Variants in LDB2 observed in about 807,000 individuals in gnomAD.
The protein encoded by LDB2 is LIM domain binding 2, also known as LIM domain-binding protein 2.
A neutral mutation model predicts 44.3 loss-of-function variants in LDB2; 12 were observed. The ratio of observed to expected loss-of-function variants is 0.27; its 90% CI spans 0.17 to 0.44. The LOEUF is 0.44. Ranked by LOEUF, LDB2 falls within the 20% of genes least tolerant of loss-of-function variation. The pLI is 1.00. For synonymous variants in LDB2, 164 were observed against 174.8 expected, an observed-to-expected ratio of 0.94 and a Z score of 0.49; for missense variants, 344 against 473.5, an observed-to-expected ratio of 0.73 and a Z score of 2.54.
rs1368777163 is a variant in LDB2 at position 16,897,954 on chromosome 4, A to G, written c.132+400T>C. Among the ~76,000 whole-genome samples, 14 of 110,614 alleles carry G rather than the reference A, an allele frequency of 1.3e-4. 1 individual carries two copies. The highest frequency in any genetic ancestry group is 2.6e-4 in the East Asian group (1 of 3,834). The allele number at this position is 110,614 out of a possible 152,430, so 72.6% of individuals were successfully genotyped here. A position where few individuals can be genotyped will look rare whatever the true frequency, so the allele number is the denominator to read the frequency against. The stretch of plus-strand genomic sequence containing the variant: ...TATATATATACACATATGTATATAT[A>G]TATATATATATATATATATACACAT... On this transcript the variant is annotated intron_variant, in intron 1 of 7. Transcript: ENST00000304523.
intron 2 of LDB2, among the ~76,000 whole-genome samples, chr4:16,646,222 A>T (rs1736755771): frequency 6.6e-6 from 1 of 152,172 alleles, no homozygotes; most frequent in African/African-American, 2.4e-5. Context: ...TCAGTTTTTT[A>T]AAATATGCTG....
chr4:16,879,117 C>G (rs1051147455), intron 1 of LDB2, among the ~76,000 whole-genome samples: 2 of 152,124 alleles, frequency 1.3e-5, no homozygotes, highest in African/African-American at 4.8e-5. Flanking sequence ...ACACCTGGCT[C>G]TGCTTGATAT....
In LDB2 at chr4:16,746,934, AG is replaced by A. The variant is rs1328608914; in HGVS notation, c.235+12223del. Among the ~76,000 whole-genome samples, 6 of 152,344 alleles carry A rather than the reference AG, an allele frequency of 3.9e-5. No individual in the cohort carries two copies. In the East Asian group the frequency reaches 9.6e-4, roughly 24 times the overall value. On this transcript the variant is annotated intron_variant, in intron 2 of 7. Coordinates refer to ENST00000304523, the MANE Select transcript of LDB2 (RefSeq NM_001290.5). ...TAAAAGGTGCCCTGGTTGGCCACAA[AG>A]CCCAGAACTAGAAATAGAAGGAACA... is the stretch of plus-strand genomic sequence containing the variant.
At chr4:16,763,913 G>A (rs1301778078) in intron 1 of LDB2, among the ~76,000 whole-genome samples, 1 of 151,750 alleles carries the variant, frequency 6.6e-6, no homozygotes, top group African/African-American at 2.4e-5. Context: ...GTGCTGTGAG[G>A]ACTAAACAGA....
At position 16,681,752 on chromosome 4, in the gene LDB2, T is replaced by C. The variant is rs560948611; in HGVS notation, c.235+77406A>G. The stretch of plus-strand genomic sequence containing the variant: ...GGCCTGGCTCATTTTTTTGTATTTT[T>C]AGTAGAGACGGGGTTTCACCGTGTT... On this transcript the variant is annotated intron_variant, in intron 2 of 7. Coordinates refer to ENST00000304523, the MANE Select transcript of LDB2 (RefSeq NM_001290.5). Among the ~76,000 whole-genome samples the C allele has an allele frequency of 7.3e-5, 11 of 151,704 alleles. No individual in the cohort carries two copies. In the South Asian group the frequency reaches 2.3e-3, roughly 32 times the overall value.
At chr4:16,807,258 T>C (rs1778957759) in intron 1 of LDB2, among the ~76,000 whole-genome samples, 1 of 152,238 alleles carries the variant, frequency 6.6e-6, no homozygotes, top group South Asian at 2.1e-4. Flanking sequence ...TTAACAGTAA[T>C]GATCTTATTG....
At chr4:16,883,349 G>C (rs1580466685) in intron 1 of LDB2, among the ~76,000 whole-genome samples, 1 of 152,354 alleles carries the variant, frequency 6.6e-6, no homozygotes, top group East Asian at 1.9e-4. Context: ...AAAGTCGAAA[G>C]AGGAAACAGA....
At chr4:16,866,937 T>C (rs868047491) in intron 1 of LDB2, among the ~76,000 whole-genome samples, 8 of 152,188 alleles carry the variant, frequency 5.3e-5, no homozygotes, top group Admixed American at 1.3e-4. Flanking sequence ...TCAATGGGTA[T>C]AGGAGGCTCT....
chr4:16,860,396 A>G (rs1356097021), intron 1 of LDB2, among the ~76,000 whole-genome samples: 1 of 152,188 alleles, frequency 6.6e-6, no homozygotes, highest in African/African-American at 2.4e-5. Context: ...GTGGTCCTGT[A>G]TCAGAGCAGA....
chr4:16,727,458 G>A (rs919325238), intron 2 of LDB2, among the ~76,000 whole-genome samples: 4 of 151,822 alleles, frequency 2.6e-5, no homozygotes, highest in Non-Finnish European at 4.4e-5. Context: ...CAGTTGAAAC[G>A]CATCTCTGAA....
chr4:16,732,652 G>A (rs754466090), intron 2 of LDB2, among the ~76,000 whole-genome samples: 1 of 152,192 alleles, frequency 6.6e-6, no homozygotes, highest in Non-Finnish European at 1.5e-5. Context: ...ATTGGAAAAC[G>A]AGAGAAACTG....
At chr4:16,869,305 T>TTA (rs1554056525) in intron 1 of LDB2, among the ~76,000 whole-genome samples, 1 of 139,078 alleles carries the variant, frequency 7.2e-6, no homozygotes, top group African/African-American at 2.6e-5. Context: ...GCAAAAGTCA[T>TTA]AAAAAAAAAA....
intron 5 of LDB2, among the ~76,000 whole-genome samples, chr4:16,578,395 A>G (rs989054748): frequency 1.3e-5 from 2 of 152,218 alleles, no homozygotes; most frequent in Non-Finnish European, 2.9e-5. Context: ...TAGGCAAAAG[A>G]TCTTAATAGA....
intron 1 of LDB2, among the ~76,000 whole-genome samples, chr4:16,829,019 A>G (rs1783570514): frequency 1.3e-5 from 2 of 152,170 alleles, no homozygotes; most frequent in African/African-American, 4.8e-5. Context: ...TCTGCTAAGA[A>G]CACTTACATT....
At chr4:16,698,636 G>A (rs1267567253) in intron 2 of LDB2, among the ~76,000 whole-genome samples, 1 of 151,564 alleles carries the variant, frequency 6.6e-6, no homozygotes, top group African/African-American at 2.4e-5. Context: ...TAGGTTCTTT[G>A]TAAATTAAGA....
At chr4:16,850,947 A>AGTGTGTGTGTGT (rs71181193) in intron 1 of LDB2, among the ~76,000 whole-genome samples, 21,071 of 142,988 alleles carry the variant, frequency 0.15, 1,715 homozygotes, top group Middle Eastern at 0.19. Context: ...TAAAACCATA[A>AGTGTGTGTGTGT]GTGTGTGTGT....
At chr4:16,532,185 G>A (rs183988730) in intron 5 of LDB2, among the ~76,000 whole-genome samples, 2 of 152,164 alleles carry the variant, frequency 1.3e-5, no homozygotes, top group African/African-American at 4.8e-5. Context: ...AAGGTTTTCA[G>A]GAGTGTAACA....
At chr4:16,816,212 T>TA (rs1780861699) in intron 1 of LDB2, among the ~76,000 whole-genome samples, 1 of 151,932 alleles carries the variant, frequency 6.6e-6, no homozygotes, top group African/African-American at 2.4e-5. Flanking sequence ...CTCCAAAAGA[T>TA]AAAAAATTAA....
At chr4:16,806,785 G>T (rs976853685) in intron 1 of LDB2, among the ~76,000 whole-genome samples, 39 of 152,114 alleles carry the variant, frequency 2.6e-4, no homozygotes, top group African/African-American at 9.2e-4. Context: ...AGACTGCCTG[G>T]GTTGTATTCC....
Sources: allele counts gnomAD v4.1 joint callset (sites outside exome capture counted in the v4.1 genomes callset), GRCh38; gene constraint gnomAD v4.1.1; transcripts MANE v1.5; gene names NCBI Gene and HGNC (gene_info 2026-07-23, HGNC 2026-07-21).